The following ZFC3H1 variants were observed in gnomAD, a reference collection of about 807,000 sequenced individuals.
ZFC3H1 encodes zinc finger C3H1-type containing, also known as zinc finger C3H1 domain-containing protein.
A neutral mutation model predicts 243.7 loss-of-function variants in ZFC3H1; 71 were observed. That is an observed-to-expected ratio of 0.29 (90% CI 0.24 to 0.36). ZFC3H1 has a LOEUF of 0.36. ZFC3H1 is among the 10% of genes least tolerant of loss of function. The pLI is 1.00. For missense variants in ZFC3H1, 1,966 were observed against 2,317.1 expected (o/e 0.85, Z 3.11); for synonymous variants, 838 against 813.0 (o/e 1.03, Z -0.52).
intron 2 of ZFC3H1, among the ~76,000 whole-genome samples, chr12:71,648,855 C>T (rs1197390133): frequency 6.6e-6 from 1 of 151,916 alleles, no homozygotes; most frequent in African/African-American, 2.4e-5. Flanking sequence ...TTTGGGAGGC[C>T]GAGGCGGGTG....
chr12:71,633,509 T>C (rs972360352), intron 12 of ZFC3H1, 71 bp from the exon 13 acceptor site: 4 of 1,308,892 alleles, frequency 3.1e-6, no homozygotes, highest in Admixed American at 3.0e-5. Flanking sequence ...AAAAAAATTT[T>C]CAAAGTAATA....
In ZFC3H1 at chr12:71,632,332, A is replaced by T. The variant is rs756488259; in HGVS notation, c.3000T>A (p.Val1000=). ...AAGAAAATTCGGGTTCCTCTTCCAC[A>T]ACTGGAGAGATATTTTGTTGTTCCT... ...KAKEQQNISP[V]VEEEPEFSLP... The change falls in exon 15 of 35, where the codon GTT becomes GTA. Residue 1000 remains valine, a synonymous_variant. Transcript: ENST00000378743. The T allele has an allele frequency of 6.2e-7, 1 of 1,613,816 alleles. No homozygotes were observed. The highest frequency in any genetic ancestry group is 1.7e-5 in the Admixed American group (1 of 59,982).
chr12:71,656,771 C>A (rs1881029171), intron 2 of ZFC3H1, 114 bp downstream of exon 2: 2 of 1,122,382 alleles, frequency 1.8e-6, no homozygotes, highest in Non-Finnish European at 1.3e-6. Flanking sequence ...ATAGAAAGTA[C>A]AAAAGAATTT....
intron 3 of ZFC3H1, among the ~76,000 whole-genome samples, chr12:71,645,974 G>A (rs530981666): frequency 6.6e-6 from 1 of 152,186 alleles, no homozygotes; most frequent in African/African-American, 2.4e-5. Context: ...TTATGTATGT[G>A]CATGGAAGGG....
intron 9 of ZFC3H1, among the ~76,000 whole-genome samples, chr12:71,635,996 T>G (rs1172275225): frequency 6.6e-6 from 1 of 152,218 alleles, no homozygotes; most frequent in Non-Finnish European, 1.5e-5. Context: ...TTTGTTCTAT[T>G]TATTTTACTT....
chr12:71,611,302 G>T, intron 32 of ZFC3H1: 21 of 309,576 alleles, frequency 6.8e-5, no homozygotes, highest in East Asian at 1.6e-4. Flanking sequence ...AACTTTACAA[G>T]AAAAAAGCAG....
At chr12:71,629,157 A>ATT (rs201091738) in intron 19 of ZFC3H1, 120 bp from the exon 20 acceptor site, 958 of 641,002 alleles carry the variant, frequency 1.5e-3, no homozygotes, top group Middle Eastern at 3.0e-3. Flanking sequence ...AATGATACGT[A>ATT]TTTTTTTTTT....
At position 71,632,941 on chromosome 12, in the gene ZFC3H1, T is replaced by C; in HGVS notation, c.2762A>G (p.Lys921Arg). Reference protein sequence around the residue: ...LKYGEELARAKAVASKEIGKR... With the variant: ...LKYGEELARARAVASKEIGKR... Reference sequence around the variant, plus strand: ...TCCTATTTCTTTACTGGCCACTGCCTTTGCCCGAGCAAGCTCTTCTCCATA... The same window carrying C: ...TCCTATTTCTTTACTGGCCACTGCCCTTGCCCGAGCAAGCTCTTCTCCATA... Residue 921 changes from lysine to arginine, a missense_variant, in exon 14 of 35, where the codon AAG (lysine) becomes AGG (arginine). Physicochemically the swap from Lys to Arg is conservative, Grantham distance 26. Coordinates refer to ENST00000378743, the MANE Select transcript of ZFC3H1 (RefSeq NM_144982.5). 1.2e-6 allele frequency: 2 copies of C among 1,613,868 alleles called. No homozygotes were observed. The highest frequency in any genetic ancestry group is 2.2e-5 in the South Asian group (2 of 91,036).
At chr12:71,658,557 G>A (rs915958014) in intron 1 of ZFC3H1, among the ~76,000 whole-genome samples, 3 of 151,804 alleles carry the variant, frequency 2.0e-5, no homozygotes, top group Non-Finnish European at 2.9e-5. Flanking sequence ...CCAAAGTGCC[G>A]GGATTACAGG....
At chr12:71,636,184 A>G (rs965097081) in intron 9 of ZFC3H1, among the ~76,000 whole-genome samples, 1 of 152,206 alleles carries the variant, frequency 6.6e-6, no homozygotes, top group African/African-American at 2.4e-5. Context: ...CCAAAAAGAT[A>G]GAAAATCTGA....
chr12:71,623,729 T>C (rs1880089405), intron 23 of ZFC3H1, 132 bp from the exon 24 acceptor site: 1 of 670,030 alleles, frequency 1.5e-6, no homozygotes, highest in Non-Finnish European at 2.4e-6. Context: ...AGTGTCCTGA[T>C]ACTTAAAATC....
At position 71,624,115 on chromosome 12, in the gene ZFC3H1, C is replaced by T; in HGVS notation, c.4495G>A (p.Ala1499Thr). 1.2e-6 allele frequency: 2 copies of T among 1,611,060 alleles called. No homozygotes were observed. The highest frequency in any genetic ancestry group is 1.1e-5 in the South Asian group (1 of 90,890). The change falls in exon 23 of 35, where the codon GCA becomes ACA. Residue 1499 changes from alanine (A) to threonine (T), a missense_variant. Coordinates refer to ENST00000378743, the MANE Select transcript of ZFC3H1 (RefSeq NM_144982.5). ...TACCAAGTGCTTACCTGTAAAATTG[C>T]CAGTGCACTTTGGCATCTTCCAGTA... The part of the protein sequence containing the change: ...IFTGRCQSAL[A>T]ILQNALKSAN...
At position 71,629,037 on chromosome 12, in the gene ZFC3H1, G is replaced by A; in HGVS notation, c.3827C>T (p.Thr1276Ile). The A allele has an allele frequency of 6.2e-7, 1 of 1,600,374 alleles. No homozygotes were observed. The highest frequency in any genetic ancestry group is 8.5e-7 in the Non-Finnish European group (1 of 1,176,118). Residue 1276 changes from threonine to isoleucine, a missense_variant and splice_region_variant, in exon 20 of 35, where the codon ACT becomes ATT. Physicochemically the swap from Thr to Ile is moderately conservative, Grantham distance 89 (BLOSUM62 -1). Transcript: ENST00000378743. ...ATCTTTGTAGGTTGTAAATGGAGGAGCTAAAGTAGATAGGAGAAGATTGTT... is the reference window on the plus strand; with the variant it reads ...ATCTTTGTAGGTTGTAAATGGAGGAACTAAAGTAGATAGGAGAAGATTGTT... ...VSNINESKGH[T>I]PPFTTYKDKR... is the part of the protein sequence containing the mutation.
At position 71,626,431 on chromosome 12, in the gene ZFC3H1, G is replaced by C; in HGVS notation, c.4146C>G (p.Ser1382=). 6.2e-7 allele frequency: 1 copy of C among 1,613,570 alleles called. No individual in the cohort carries two copies. The highest frequency in any genetic ancestry group is 8.5e-7 in the Non-Finnish European group (1 of 1,179,822). Reference sequence around the variant, plus strand: ...CCAGAACATTTAAAGCAGAATCCAAGGATTCTGAGCACTCCCTGTATATAT... The same window carrying C: ...CCAGAACATTTAAAGCAGAATCCAACGATTCTGAGCACTCCCTGTATATAT... ...LNQNEGECSE[S]LDSALNVLAR... is the part of the protein sequence containing the mutation. The change falls in exon 22 of 35, where the codon TCC becomes TCG. Residue 1382 remains serine (S), a synonymous_variant. Coordinates refer to ENST00000378743, the MANE Select transcript of ZFC3H1 (RefSeq NM_144982.5).
chr12:71,633,467 A>C (rs764291416), intron 12 of ZFC3H1, 29 bp from the exon 13 acceptor site: 1 of 1,508,258 alleles, frequency 6.6e-7, no homozygotes, highest in Non-Finnish European at 8.9e-7. Context: ...AATTCTTGTT[A>C]ATGTTTCCCT....
In ZFC3H1 at chr12:71,630,881, C is replaced by A; in HGVS notation, c.3544G>T (p.Asp1182Tyr). Residue 1182 changes from aspartate (D) to tyrosine (Y), a missense_variant, in exon 17 of 35, where the codon GAT becomes TAT. Coordinates refer to ENST00000378743, the MANE Select transcript of ZFC3H1 (RefSeq NM_144982.5). ...SVSYSNMIEP[D>Y]QCFCRFDLTG... ...AAATCAAAACGGCAGAAACACTGAT[C>A]CGGTTCAATCATATTACTGTATGAT... The A allele has an allele frequency of 6.2e-7, 1 of 1,613,500 alleles. No homozygotes were observed. Among genetic ancestry groups the A allele is most frequent in the South Asian group, 1.1e-5 (1 of 91,052 alleles).
chr12:71,652,242 C>T (rs1592602067), intron 2 of ZFC3H1, among the ~76,000 whole-genome samples: 1 of 152,122 alleles, frequency 6.6e-6, no homozygotes, highest in South Asian at 2.1e-4. Context: ...CTTTGATTTT[C>T]CTCCAATCAC....
rs1333401584 is a variant in ZFC3H1 at position 71,636,407 on chromosome 12, G to A, written c.2100+83C>T. The A allele has an allele frequency of 7.6e-6, 10 of 1,313,256 alleles. No individual in the cohort carries two copies. The East Asian group carries it at 1.7e-4, about 23-fold the overall frequency. 81.4% of individuals were successfully genotyped at this position (1,313,256 alleles called of 1,614,324 possible). A position where few individuals can be genotyped will look rare whatever the true frequency, so the allele number is the denominator to read the frequency against. The stretch of plus-strand genomic sequence containing the variant: ...ATATGTGTGTATATAAATAAACCAA[G>A]GGGTAGAAAACAGGACAGCTAAACT... On this transcript the variant is annotated intron_variant, in intron 9 of 34. Transcript: ENST00000378743.
At chr12:71,616,000 A>G (rs911734641) in intron 27 of ZFC3H1, among the ~76,000 whole-genome samples, 1 of 152,098 alleles carries the variant, frequency 6.6e-6, no homozygotes, top group Non-Finnish European at 1.5e-5. Context: ...TAAAAAAAAG[A>G]TTTACAAGGC....
Sources: gnomAD v4.1 joint callset for allele counts (sites outside exome capture counted in the v4.1 genomes callset) on GRCh38, gnomAD v4.1.1 for gene constraint, MANE v1.5 for transcripts, NCBI Gene and HGNC (gene_info 2026-07-23, HGNC 2026-07-21) for gene names.